The following ELMO1 variants were observed in gnomAD, a reference collection of about 807,000 sequenced individuals.
ELMO1 encodes the protein engulfment and cell motility 1.
Under a neutral mutation model 98.9 loss-of-function variants are expected in ELMO1, and 26 were observed. That is an observed-to-expected ratio of 0.26 (90% confidence interval 0.19 to 0.36). The LOEUF (loss-of-function observed/expected upper bound fraction) is 0.36, where lower values mean the gene tolerates loss of function less well. Among genes scored for constraint, ELMO1 ranks in the 10% least tolerant of loss-of-function variants. The pLI is 1.00. For synonymous variants in ELMO1, 346 were observed against 346.0 expected, an observed-to-expected ratio of 1.00 and a Z score of 0.00; for missense variants, 627 against 935.2, an observed-to-expected ratio of 0.67 and a Z score of 4.30.
intron 15 of ELMO1, among the ~76,000 whole-genome samples, chr7:37,048,119 G>A (rs1035289184): frequency 3.3e-5 from 5 of 152,156 alleles, no homozygotes; most frequent in Admixed American, 3.3e-4. Flanking sequence ...GTCTGGAGCT[G>A]GTTAATTCTT....
At position 37,405,647 on chromosome 7, in the gene ELMO1, C is replaced by T. The variant is rs528973072; in HGVS notation, c.-74+43028G>A. Reference sequence around the variant, plus strand: ...GTGGCATGCTTCCTGGGACTCAAGGCGTCGGGCTTGTTAATGGGAAGGAGG... The same window carrying T: ...GTGGCATGCTTCCTGGGACTCAAGGTGTCGGGCTTGTTAATGGGAAGGAGG... On this transcript the variant is annotated intron_variant, in intron 1 of 21. Transcript: ENST00000310758. 5.9e-5 allele frequency among the ~76,000 whole-genome samples: 9 copies of T among 152,216 alleles called. No individual in the cohort carries two copies. The South Asian group carries it at 1.2e-3, about 21-fold the overall frequency.
chr7:37,166,469 A>G (rs1406431994), intron 13 of ELMO1, among the ~76,000 whole-genome samples: 11 of 152,026 alleles, frequency 7.2e-5, no homozygotes, highest in Non-Finnish European at 1.3e-4. Flanking sequence ...TCTCTTGTGG[A>G]CATTTAGTGC....
chr7:37,118,945 C>A (rs1272050425), intron 14 of ELMO1, among the ~76,000 whole-genome samples: 1 of 152,202 alleles, frequency 6.6e-6, no homozygotes, highest in East Asian at 1.9e-4. Context: ...CAAAAGCACA[C>A]AGTATGGACA....
At chr7:37,402,938 C>T (rs1220459752) in intron 1 of ELMO1, among the ~76,000 whole-genome samples, 1 of 152,164 alleles carries the variant, frequency 6.6e-6, no homozygotes, top group Non-Finnish European at 1.5e-5. Context: ...GGCAATAATG[C>T]TTCTAGGTAT....
intron 5 of ELMO1, among the ~76,000 whole-genome samples, chr7:37,268,854 C>G (rs1054147078): frequency 3.3e-5 from 5 of 152,228 alleles, no homozygotes; most frequent in African/African-American, 1.2e-4. Flanking sequence ...ACAAATTCAT[C>G]AATCAACAAA....
At chr7:37,248,325 C>T (rs1383273363) in intron 6 of ELMO1, among the ~76,000 whole-genome samples, 1 of 151,952 alleles carries the variant, frequency 6.6e-6, no homozygotes, top group Non-Finnish European at 1.5e-5. Context: ...CAAGGAACGG[C>T]ATTTTTTTTT....
intron 1 of ELMO1, among the ~76,000 whole-genome samples, chr7:37,416,729 T>G (rs959082046): frequency 6.6e-6 from 1 of 152,218 alleles, no homozygotes; most frequent in Non-Finnish European, 1.5e-5. Context: ...AGAAAGTATC[T>G]CTAGTTAGTT....
chr7:37,391,067 CCTCCCTCT>C (rs900586080), intron 1 of ELMO1, among the ~76,000 whole-genome samples: 1 of 150,156 alleles, frequency 6.7e-6, no homozygotes, highest in Admixed American at 6.6e-5. Context: ...TTCCTCCCTC[CCTCCCTCT>C]CTCCCTCCCT....
intron 4 of ELMO1, among the ~76,000 whole-genome samples, chr7:37,283,161 A>G (rs979034170): frequency 6.6e-6 from 1 of 152,204 alleles, no homozygotes; most frequent in Non-Finnish European, 1.5e-5. Context: ...CCTGAGGGAA[A>G]GGACAGAAGG....
At chr7:37,410,350 C>T (rs1803946844) in intron 1 of ELMO1, among the ~76,000 whole-genome samples, 1 of 152,200 alleles carries the variant, frequency 6.6e-6, no homozygotes, top group Non-Finnish European at 1.5e-5. Context: ...ACCTGGTATC[C>T]ACATAAAATT....
chr7:37,198,131 C>T (rs552321653), intron 13 of ELMO1, among the ~76,000 whole-genome samples: 2 of 152,170 alleles, frequency 1.3e-5, no homozygotes, highest in Admixed American at 6.5e-5. Context: ...AAAAAATCCA[C>T]CGCTTCCTTC....
intron 4 of ELMO1, among the ~76,000 whole-genome samples, chr7:37,277,569 C>G (rs1210441788): frequency 4.6e-5 from 7 of 152,184 alleles, no homozygotes; most frequent in Admixed American, 6.5e-5. Flanking sequence ...GGTGGCACTC[C>G]AGCTCTGATT....
At chr7:36,999,139 G>C (rs540491411) in intron 16 of ELMO1, among the ~76,000 whole-genome samples, 1 of 152,108 alleles carries the variant, frequency 6.6e-6, no homozygotes, top group East Asian at 1.9e-4. Context: ...GTGAGTGCAG[G>C]ATAGGAGAAA....
intron 15 of ELMO1, among the ~76,000 whole-genome samples, chr7:37,022,211 CAG>C (rs1794310237): frequency 6.6e-6 from 1 of 152,090 alleles, no homozygotes; most frequent in South Asian, 2.1e-4. Context: ...TTAAACAAAA[CAG>C]AAATATCATT....
intron 4 of ELMO1, among the ~76,000 whole-genome samples, chr7:37,287,082 A>G (rs1445874075): frequency 2.0e-5 from 3 of 151,852 alleles, no homozygotes; most frequent in Non-Finnish European, 4.4e-5. Context: ...AGTTCCAGCT[A>G]TTTGAGAGGC....
At chr7:37,398,522 T>C (rs1019815203) in intron 1 of ELMO1, among the ~76,000 whole-genome samples, 10 of 152,238 alleles carry the variant, frequency 6.6e-5, no homozygotes, top group Non-Finnish European at 8.8e-5. Flanking sequence ...TCCAGGATTG[T>C]ATTTACTTCC....
intron 1 of ELMO1, chr7:37,343,019 C>T (rs934523139): frequency 5.8e-5 from 16 of 276,720 alleles, no homozygotes; most frequent in Admixed American, 1.4e-4. Context: ...ACGGCTTGCG[C>T]GAATCTTCAG....
chr7:37,354,575 A>C (rs1350762813), intron 1 of ELMO1, among the ~76,000 whole-genome samples: 1 of 152,222 alleles, frequency 6.6e-6, no homozygotes, highest in East Asian at 1.9e-4. Flanking sequence ...TTTCAACTGG[A>C]AAGTTCATCA....
At chr7:37,314,786 A>G in intron 4 of ELMO1, 64 bp downstream of exon 4, 4 of 1,513,188 alleles carry the variant, frequency 2.6e-6, no homozygotes, top group Non-Finnish European at 2.7e-6. Flanking sequence ...CGAACAAAGA[A>G]AACATCATCA....
Sources: gnomAD v4.1 joint callset for allele counts (sites outside exome capture counted in the v4.1 genomes callset) on GRCh38, gnomAD v4.1.1 for gene constraint, MANE v1.5 for transcripts, NCBI Gene and HGNC (gene_info 2026-07-23, HGNC 2026-07-21) for gene names.